EHBP1: variants seen among roughly 807,000 people sequenced by gnomAD.
The protein encoded by EHBP1 is EH domain binding protein 1.
Under a neutral mutation model 144.0 loss-of-function variants are expected in EHBP1, and 55 were observed. The ratio of observed to expected loss-of-function variants is 0.38; its 90% CI spans 0.31 to 0.48. The LOEUF is 0.48. Ranked by LOEUF, EHBP1 falls within the 20% of genes least tolerant of loss-of-function variation. The pLI is 0.98. For missense variants in EHBP1, 1,200 were observed against 1,364.2 expected, an observed-to-expected ratio of 0.88 and a Z score of 1.90; for synonymous variants, 469 against 472.7, an observed-to-expected ratio of 0.99 and a Z score of 0.10.
intron 10 of EHBP1, among the ~76,000 whole-genome samples, chr2:62,917,595 T>G (rs749555231): frequency 4.6e-5 from 7 of 152,174 alleles, no homozygotes; most frequent in Non-Finnish European, 1.0e-4. Context: ...TTCTTATGCT[T>G]TATACTGTGA....
chr2:62,690,132 A>G lies in EHBP1; in HGVS notation c.-296+16049A>G, dbSNP rs1370837041. 2.6e-5 allele frequency among the ~76,000 whole-genome samples: 4 copies of G among 152,230 alleles called. No individual in the cohort carries two copies. The East Asian group carries it at 7.7e-4, about 29-fold the overall frequency. On this transcript the variant is annotated intron_variant, in intron 1 of 22. Coordinates refer to the EHBP1 transcript ENST00000405015. ...CAATAATCTGGGAGGCTGTGAAAGC[A>G]GTCTAGTTAACAGTCACCTGCAGCA...
chr2:62,848,254 T>C (rs2048437600), intron 7 of EHBP1, among the ~76,000 whole-genome samples: 1 of 151,914 alleles, frequency 6.6e-6, no homozygotes, highest in Non-Finnish European at 1.5e-5. Flanking sequence ...AATTTTTTTT[T>C]GTATTTTTAT....
Position 62,764,376 on chromosome 2 carries a change from TA to T in EHBP1, c.258+16del. 1.3e-6 allele frequency: 2 copies of T among 1,534,932 alleles called. No individual in the cohort carries two copies. The highest frequency in any genetic ancestry group is 2.5e-5 in the South Asian group (2 of 79,958). On this transcript the variant is annotated intron_variant, in intron 4 of 22. Transcript: ENST00000431489. ...CACTTTTTAAGGTAAGTTCCATTTT[TA>T]TAGGCTATAGAATTTATTATATAAC...
intron 7 of EHBP1, among the ~76,000 whole-genome samples, chr2:62,835,194 G>A (rs180883868): frequency 1.1e-3 from 172 of 152,020 alleles, no homozygotes; most frequent in African/African-American, 4.0e-3. Context: ...TTTATATACA[G>A]CATTTGGTTG....
intron 16 of EHBP1, 80 bp from the exon 17 acceptor site, chr2:62,993,450 C>A: frequency 8.0e-7 from 1 of 1,247,418 alleles, no homozygotes. Context: ...TATCTTAAAT[C>A]AGTAAAAATT....
At chr2:62,974,092 A>G (rs973157374) in intron 14 of EHBP1, among the ~76,000 whole-genome samples, 1 of 152,234 alleles carries the variant, frequency 6.6e-6, no homozygotes, top group South Asian at 2.1e-4. Context: ...CACTATGCCT[A>G]TTGCATACTA....
intron 7 of EHBP1, among the ~76,000 whole-genome samples, chr2:62,842,154 T>G (rs893566291): frequency 3.3e-5 from 5 of 152,036 alleles, no homozygotes; most frequent in Admixed American, 6.6e-5. Context: ...TGACACAGTC[T>G]CGGCTCACTG....
chr2:62,756,612 A>T (rs928266472), intron 3 of EHBP1, among the ~76,000 whole-genome samples: 3 of 152,136 alleles, frequency 2.0e-5, no homozygotes, highest in African/African-American at 7.2e-5. Flanking sequence ...TCTACTAAAA[A>T]TACAAAATGA....
At chr2:62,823,564 T>C (rs1197312641) in intron 5 of EHBP1, among the ~76,000 whole-genome samples, 3 of 152,070 alleles carry the variant, frequency 2.0e-5, no homozygotes, top group African/African-American at 4.8e-5. Context: ...ATTCCTCTTA[T>C]AGAACCGATT....
intron 2 of EHBP1, among the ~76,000 whole-genome samples, chr2:62,735,387 A>G (rs1354580585): frequency 2.0e-5 from 3 of 151,884 alleles, no homozygotes; most frequent in Non-Finnish European, 4.4e-5. Flanking sequence ...TGAGTATTTT[A>G]TAATAACAAA....
intron 16 of EHBP1, 69 bp downstream of exon 16, chr2:62,990,909 A>G: frequency 6.6e-7 from 1 of 1,511,434 alleles, no homozygotes; most frequent in South Asian, 1.3e-5. Flanking sequence ...GGAGTTTGTA[A>G]TTCCAAAAAC....
intron 5 of EHBP1, among the ~76,000 whole-genome samples, chr2:62,805,746 A>G (rs572978058): frequency 1.3e-5 from 2 of 152,166 alleles, no homozygotes; most frequent in East Asian, 3.9e-4. Context: ...CAAGCTCCTG[A>G]CCTCAAACAG....
chr2:62,761,030 G>A (rs749662268), intron 3 of EHBP1, among the ~76,000 whole-genome samples: 1 of 152,092 alleles, frequency 6.6e-6, no homozygotes, highest in African/African-American at 2.4e-5. Context: ...ATTGTGGGAA[G>A]CTTGAAGAGA....
rs191306263 is a variant in EHBP1, at chr2:63,036,923, A to G, written c.3104-612A>G. Reference sequence around the variant, plus strand: ...TCTGCTCACATGTTTTCTGAACATCATGATGTTCATTAAATTTTTTTTTTC... The same window carrying G: ...TCTGCTCACATGTTTTCTGAACATCGTGATGTTCATTAAATTTTTTTTTTC... On this transcript the variant is annotated intron_variant, in intron 19 of 22. Transcript: ENST00000431489. Among the ~76,000 whole-genome samples the G allele has an allele frequency of 3.0e-4, 45 of 152,024 alleles. No homozygotes were observed. In the East Asian group the frequency reaches 8.3e-3, roughly 28 times the overall value.
At chr2:62,696,221 A>G (rs995732066) in intron 1 of EHBP1, among the ~76,000 whole-genome samples, 5 of 137,376 alleles carry the variant, frequency 3.6e-5, no homozygotes, top group African/African-American at 1.4e-4. Context: ...CCCAGGCTTG[A>G]GTACAGTGGC....
intron 3 of EHBP1, among the ~76,000 whole-genome samples, chr2:62,752,945 C>T (rs1176975075): frequency 5.3e-5 from 8 of 152,132 alleles, no homozygotes; most frequent in Non-Finnish European, 1.0e-4. Context: ...TGGGTCTTGA[C>T]TCTTTATCCA....
intron 7 of EHBP1, among the ~76,000 whole-genome samples, chr2:62,835,692 G>T (rs1205910964): frequency 6.6e-6 from 1 of 152,220 alleles, no homozygotes; most frequent in Admixed American, 6.5e-5. Flanking sequence ...AGCGCAAGGG[G>T]TCAGGGAGTT....
Position 62,841,003 on chromosome 2 carries a change from G to A in EHBP1, c.634+9845G>A, listed in dbSNP as rs1212745111. 1.1e-4 allele frequency among the ~76,000 whole-genome samples: 16 copies of A among 152,202 alleles called. No individual in the cohort carries two copies. The East Asian group carries it at 2.9e-3, about 28-fold the overall frequency. On this transcript the variant is annotated intron_variant, in intron 7 of 22. Coordinates refer to ENST00000431489, the MANE Select transcript of EHBP1 (RefSeq NM_001142616.3). ...TCCCATTACTGGGTATATACCCAAA[G>A]GACTATAAATCATGCTGCTATAAAG...
At chr2:62,795,242 TCTTC>T (rs1401713168) in intron 5 of EHBP1, among the ~76,000 whole-genome samples, 1 of 152,048 alleles carries the variant, frequency 6.6e-6, no homozygotes, top group African/African-American at 2.4e-5. Context: ...TTCTCCTGCC[TCTTC>T]CTTCCTCCCT....
Sources: gnomAD v4.1 joint callset for allele counts (sites outside exome capture counted in the v4.1 genomes callset) on GRCh38, gnomAD v4.1.1 for gene constraint, MANE v1.5 for transcripts, NCBI Gene and HGNC (gene_info 2026-07-23, HGNC 2026-07-21) for gene names.